C9orf57: variants seen among roughly 807,000 people sequenced by gnomAD.
C9orf57 encodes the protein uncharacterized protein C9orf57.
Under a neutral mutation model 12.9 loss-of-function variants are expected in C9orf57, and 12 were observed. That is an observed-to-expected ratio of 0.93 (90% CI 0.60 to 1.51). The LOEUF is 1.51. C9orf57 is among the 40% of genes most tolerant of loss of function. C9orf57 has a pLI of 0.00. For synonymous variants in C9orf57, 49 were observed against 57.1 expected (o/e 0.86, Z 0.64); for missense variants, 141 against 162.8 (o/e 0.87, Z 0.73).
chr9:72,057,067 A>G (rs7865665), intron 2 of C9orf57, among the ~76,000 whole-genome samples: 26,478 of 151,284 alleles, frequency 0.18, 2,691 homozygotes, highest in East Asian at 0.43. Context: ...GCACACACCC[A>G]CCGTGTCCAG....
At position 72,052,327 on chromosome 9, in the gene C9orf57, T is replaced by A. The variant is rs1322265232; in HGVS notation, c.389A>T (p.His130Leu). 10 of 1,551,788 alleles carry A rather than the reference T, an allele frequency of 6.4e-6. No individual in the cohort carries two copies. The highest frequency in any genetic ancestry group is 7.8e-6 in the Non-Finnish European group (9 of 1,146,994). The change falls in exon 5 of 5, where the codon CAC becomes CTC. Residue 130 changes from histidine to leucine, a missense_variant. Transcript: ENST00000651200. ...ATTGCACAAAGAATGATTGCAGCAGTGAGTAGTTACAAGTTCATGCAGTTG... is the reference window on the plus strand; with the variant it reads ...ATTGCACAAAGAATGATTGCAGCAGAGAGTAGTTACAAGTTCATGCAGTTG... Reference protein sequence around the residue: ...ILQLHELVTTHCCNHSLCNF With the variant: ...ILQLHELVTTLCCNHSLCNF
Position 72,056,834 on chromosome 9 carries a change from G to T in C9orf57, c.107C>A (p.Thr36Asn), listed in dbSNP as rs1289724517. Residue 36 changes from threonine (T) to asparagine (N), a missense_variant, in exon 3 of 5, where the codon ACC (threonine) becomes AAC (asparagine). Transcript: ENST00000651200. ...ILFGRLGDLG[T>N]CQTKPGQYWK... ...GTACTGACCAGGTTTTGTCTGGCAG[G>T]TTCCCAGGTCTAAAAGACATCCATG... 7 of 1,550,618 alleles carry T rather than the reference G, an allele frequency of 4.5e-6. No homozygotes were observed. Among genetic ancestry groups the T allele is most frequent in the South Asian group, 3.6e-5 (3 of 84,036 alleles).
chr9:72,055,534 C>T (rs547441740), intron 4 of C9orf57, among the ~76,000 whole-genome samples: 1 of 152,076 alleles, frequency 6.6e-6, no homozygotes, highest in African/African-American at 2.4e-5. Flanking sequence ...GGGTGATCCT[C>T]CCACCTGGCC....
rs1824092401 is a variant in C9orf57 at position 72,052,087 on chromosome 9, A to C, written c.*209T>G. 2.0e-6 allele frequency: 1 copy of C among 510,044 alleles called. No individual in the cohort carries two copies. The highest frequency in any genetic ancestry group is 3.7e-5 in the Admixed American group (1 of 26,980). The allele number at this position is 510,044 out of a possible 1,614,324, so 31.6% of individuals were successfully genotyped here. A position where few individuals can be genotyped will look rare whatever the true frequency, so the allele number is the denominator to read the frequency against. The stretch of plus-strand genomic sequence containing the variant: ...GAGGAGAGGAGAGAAATGGTGTTGA[A>C]AGGGCTATTTCTCAGATGAGTTGGA... On this transcript the variant is annotated 3_prime_UTR_variant, in exon 5 of 5. Transcript: ENST00000651200.
chr9:72,059,173 T>G, intron 2 of C9orf57, 62 bp downstream of exon 2: 1 of 1,544,184 alleles, frequency 6.5e-7, no homozygotes, highest in Middle Eastern at 1.7e-4. Flanking sequence ...GCCGCCACGC[T>G]CGGCCCTACA....
At chr9:72,059,624 C>A (rs1014572124) in intron 1 of C9orf57, among the ~76,000 whole-genome samples, 1 of 152,124 alleles carries the variant, frequency 6.6e-6, no homozygotes, top group Non-Finnish European at 1.5e-5. Flanking sequence ...AGTTCAAGAC[C>A]AGACTGCCCA....
chr9:72,059,409 T>C, intron 1 of C9orf57, 25 bp from the exon 2 acceptor site: 1 of 1,548,632 alleles, frequency 6.5e-7, no homozygotes, highest in South Asian at 1.2e-5. Context: ...AAGTTACACA[T>C]TTATGTTAGC....
chr9:72,054,217 C>T (rs532008932), intron 4 of C9orf57, among the ~76,000 whole-genome samples: 1 of 152,310 alleles, frequency 6.6e-6, no homozygotes, highest in South Asian at 2.1e-4. Context: ...AGACTGGTCT[C>T]GAACTCCCCA....
chr9:72,057,532 A>AT (rs1181323043), intron 2 of C9orf57, among the ~76,000 whole-genome samples: 1 of 152,052 alleles, frequency 6.6e-6, no homozygotes, highest in East Asian at 1.9e-4. Context: ...GGCTAAAATT[A>AT]TTTTTTATTT....
intron 3 of C9orf57, 92 bp from the exon 4 acceptor site, chr9:72,056,288 A>G: frequency 1.2e-6 from 1 of 845,720 alleles, no homozygotes; most frequent in Non-Finnish European, 1.6e-6. Context: ...TAAAGTAGTG[A>G]TTTTTGACTT....
At position 72,056,135 on chromosome 9, in the gene C9orf57, T is replaced by C; in HGVS notation, c.219A>G (p.Leu73=). The change falls in exon 4 of 5, where the codon TTA becomes TTG. Residue 73 remains leucine (L), a synonymous_variant. Coordinates refer to ENST00000651200, the MANE Select transcript of C9orf57 (RefSeq NM_001128618.2). ...GTTCTGCCTGGCAGGTTCCCAGGTCTAAAAGACATCCATGGAAGGGCAGTG... is the reference window on the plus strand; with the variant it reads ...GTTCTGCCTGGCAGGTTCCCAGGTCCAAAAGACATCCATGGAAGGGCAGTG... ...NLSLPFHGCL[L]DLGTCQAEPG... 6.4e-7 allele frequency: 1 copy of C among 1,551,066 alleles called. No individual in the cohort carries two copies. The highest frequency in any genetic ancestry group is 8.7e-7 in the Non-Finnish European group (1 of 1,146,598).
rs1005286390 is a variant in C9orf57, at chr9:72,052,330, G to A, written c.386C>T (p.Thr129Ile). 2 of 1,551,690 alleles carry A rather than the reference G, an allele frequency of 1.3e-6. No homozygotes were observed. Among genetic ancestry groups the A allele is most frequent in the East Asian group, 2.4e-5 (1 of 40,932 alleles). ...GCACAAAGAATGATTGCAGCAGTGAGTAGTTACAAGTTCATGCAGTTGCAG... is the reference window on the plus strand; with the variant it reads ...GCACAAAGAATGATTGCAGCAGTGAATAGTTACAAGTTCATGCAGTTGCAG... Reference protein sequence around the residue: ...RILQLHELVTTHCCNHSLCNF With the variant: ...RILQLHELVTIHCCNHSLCNF The change falls in exon 5 of 5, where the codon ACT (threonine) becomes ATT (isoleucine). Residue 129 changes from threonine to isoleucine, a missense_variant. Physicochemically the swap from Thr to Ile is moderately conservative, Grantham distance 89 (BLOSUM62 -1). Coordinates refer to ENST00000651200, the MANE Select transcript of C9orf57 (RefSeq NM_001128618.2).
chr9:72,059,144 G>T (rs1163080913), intron 2 of C9orf57, 91 bp downstream of exon 2: 5 of 1,489,156 alleles, frequency 3.4e-6, no homozygotes, highest in Non-Finnish European at 3.6e-6. Context: ...CTCCCAAAGT[G>T]CTGGGATTAC....
At chr9:72,059,508 G>C (rs1231282830) in intron 1 of C9orf57, 124 bp from the exon 2 acceptor site, 2 of 1,207,066 alleles carry the variant, frequency 1.7e-6, no homozygotes, top group Admixed American at 2.8e-5. Context: ...GGAAAAATAA[G>C]GTACCTGTCT....
Position 72,060,481 on chromosome 9 carries a change from G to A in C9orf57, c.-54+16C>T. The stretch of plus-strand genomic sequence containing the variant: ...AGATTGGGTAAAGTATAATATTTCA[G>A]TTGTTCATGACCTACCTATCTTTTT... On this transcript the variant is annotated intron_variant, in intron 1 of 4. Transcript: ENST00000651200. 8.1e-7 allele frequency: 1 copy of A among 1,232,740 alleles called. No individual in the cohort carries two copies. The highest frequency in any genetic ancestry group is 1.5e-5 in the African/African-American group (1 of 66,758). The allele number at this position is 1,232,740 out of a possible 1,614,324, so 76.4% of individuals were successfully genotyped here.
chr9:72,052,394 T>C lies in C9orf57; in HGVS notation c.322A>G (p.Thr108Ala). Residue 108 changes from threonine to alanine, a missense_variant, in exon 5 of 5, where the codon ACA becomes GCA. Physicochemically the swap from Thr to Ala is moderately conservative, Grantham distance 58 (BLOSUM62 0). Transcript: ENST00000651200. ...WYSVKGCTKN[T>A]SECFKSTLVK... ...AGAGTACTCTTGAAGCACTCTGATG[T>C]GTTCTTTGTGCAGCCTTTGACTGAA... The C allele has an allele frequency of 1.9e-6, 3 of 1,552,244 alleles. No individual in the cohort carries two copies. Among genetic ancestry groups the C allele is most frequent in the Non-Finnish European group, 2.6e-6 (3 of 1,147,080 alleles).
chr9:72,059,506 A>C, intron 1 of C9orf57, 122 bp from the exon 2 acceptor site: 1 of 1,217,000 alleles, frequency 8.2e-7, no homozygotes, highest in Non-Finnish European at 1.1e-6. Flanking sequence ...GAGGAAAAAT[A>C]AGGTACCTGT....
rs779731502 is a variant in C9orf57 at position 72,056,060 on chromosome 9, G to A, written c.280+14C>T. On this transcript the variant is annotated intron_variant, in intron 4 of 4. Transcript: ENST00000651200. ...GCTTATTTTAATTAAAATTTTTAAAGTGTCAAAACTTACCTTGAATGTGGA... is the reference window on the plus strand; with the variant it reads ...GCTTATTTTAATTAAAATTTTTAAAATGTCAAAACTTACCTTGAATGTGGA... 1 of 1,540,424 alleles carries A rather than the reference G, an allele frequency of 6.5e-7. No individual in the cohort carries two copies. The highest frequency in any genetic ancestry group is 8.8e-7 in the Non-Finnish European group (1 of 1,140,968).
intron 2 of C9orf57, 81 bp downstream of exon 2, chr9:72,059,154 C>G: frequency 6.6e-7 from 1 of 1,517,438 alleles, no homozygotes; most frequent in Non-Finnish European, 8.9e-7. Flanking sequence ...GCTGGGATTA[C>G]AGGCGTGAGC....
Sources: allele counts gnomAD v4.1 joint callset (sites outside exome capture counted in the v4.1 genomes callset), GRCh38; gene constraint gnomAD v4.1.1; transcripts MANE v1.5; gene names NCBI Gene and HGNC (gene_info 2026-07-23, HGNC 2026-07-21).